ANK3: variants seen among roughly 807,000 people sequenced by gnomAD.
The protein encoded by ANK3 is ankyrin-3.
ANK3 carries 57 observed loss-of-function variants against 370.9 expected under a neutral mutation model. The ratio of observed to expected loss-of-function variants is 0.15; its 90% CI spans 0.12 to 0.19. The LOEUF (loss-of-function observed/expected upper bound fraction) is 0.19, where lower values mean the gene tolerates loss of function less well. ANK3 is among the 10% of genes least tolerant of loss of function. ANK3 has a pLI of 1.00. For missense variants in ANK3, 4,439 were observed against 5,302.1 expected (o/e 0.84, Z 5.06); for synonymous variants, 1,929 against 1,946.3 (o/e 0.99, Z 0.23).
intron 7 of ANK3, among the ~76,000 whole-genome samples, chr10:60,243,949 T>C (rs1337957587): frequency 6.6e-6 from 1 of 152,180 alleles, no homozygotes; most frequent in Non-Finnish European, 1.5e-5. Flanking sequence ...CAGGCAAAGC[T>C]GGAGTTGATT....
rs3802696 is a variant in ANK3 at position 60,073,741 on chromosome 10, G to A, written c.7140C>T (p.His2380=). 0.011 allele frequency: 18,421 copies of A among 1,613,824 alleles called. 1,015 individuals carry two copies. The Admixed American group carries it at 0.12, about 10-fold the overall frequency. Residue 2380 remains histidine, a synonymous_variant, in exon 37 of 44, where the codon CAC becomes CAT. Transcript: ENST00000280772. The stretch of plus-strand genomic sequence containing the variant: ...GTTCCTCTGAACAAGGAAAAGCATC[G>A]TGTTTTTCTGGCAGAAAATCTTTTA... ...INLKDFLPEK[H]DAFPCSEEQG...
intron 28 of ANK3, among the ~76,000 whole-genome samples, chr10:60,100,289 T>C (rs2091016197): frequency 7.2e-6 from 1 of 139,182 alleles, no homozygotes; most frequent in Admixed American, 7.7e-5. Context: ...TTGGTTAAAT[T>C]GTATTTTTAT....
intron 43 of ANK3, among the ~76,000 whole-genome samples, chr10:60,033,813 T>C (rs1239041688): frequency 6.8e-6 from 1 of 146,984 alleles, no homozygotes; most frequent in Non-Finnish European, 1.5e-5. Context: ...AAAGCTGTTT[T>C]GCAATCTCCA....
intron 1 of ANK3, among the ~76,000 whole-genome samples, chr10:60,325,955 AG>A (rs1196978836): frequency 6.6e-6 from 1 of 152,242 alleles, no homozygotes; most frequent in African/African-American, 2.4e-5. Context: ...AGCCATAAAA[AG>A]AACAAGATCA....
intron 20 of ANK3, 81 bp downstream of exon 20, chr10:60,172,819 C>A: frequency 2.4e-6 from 2 of 845,042 alleles, no homozygotes; most frequent in South Asian, 3.3e-5. Flanking sequence ...CATGAAAGTA[C>A]AATGAAAAAC....
At chr10:60,713,055 C>G (rs1246210723) in intron 1 of ANK3, among the ~76,000 whole-genome samples, 4 of 152,122 alleles carry the variant, frequency 2.6e-5, no homozygotes, top group Non-Finnish European at 5.9e-5. Context: ...ATCCAGCAGG[C>G]AGAAAATCAG....
intron 7 of ANK3, among the ~76,000 whole-genome samples, chr10:60,254,660 C>T (rs565881718): frequency 6.6e-6 from 1 of 152,306 alleles, no homozygotes; most frequent in South Asian, 2.1e-4. Context: ...ATAAACTTGC[C>T]CCTCTGCCTC....
At chr10:60,046,892 C>T (rs954935390) in intron 42 of ANK3, among the ~76,000 whole-genome samples, 8 of 150,856 alleles carry the variant, frequency 5.3e-5, no homozygotes, top group African/African-American at 7.3e-5. Flanking sequence ...CTGCAAGCTC[C>T]GCCTCCCGGG....
intron 9 of ANK3, among the ~76,000 whole-genome samples, chr10:60,210,683 C>G (rs2096839365): frequency 6.6e-6 from 1 of 152,142 alleles, no homozygotes; most frequent in African/African-American, 2.4e-5. Context: ...TAGAAGGGCA[C>G]ACATGTGTGT....
intron 1 of ANK3, among the ~76,000 whole-genome samples, chr10:60,338,692 G>A (rs1365111013): frequency 6.6e-6 from 1 of 152,118 alleles, no homozygotes; most frequent in Non-Finnish European, 1.5e-5. Context: ...AGACTGGGCT[G>A]AAAGTTCTCC....
At chr10:60,512,015 T>C (rs958300794) in intron 2 of ANK3, among the ~76,000 whole-genome samples, 6 of 152,032 alleles carry the variant, frequency 3.9e-5, no homozygotes, top group African/African-American at 1.4e-4. Flanking sequence ...AGAGTGTCCT[T>C]CTTCACTGTG....
At chr10:60,414,470 C>G (rs1249005156) in intron 2 of ANK3, among the ~76,000 whole-genome samples, 1 of 152,108 alleles carries the variant, frequency 6.6e-6, no homozygotes, top group Non-Finnish European at 1.5e-5. Flanking sequence ...CCACAAATAA[C>G]CACAGTAAAG....
chr10:60,177,299 T>C (rs2095995932), intron 18 of ANK3, among the ~76,000 whole-genome samples: 1 of 152,226 alleles, frequency 6.6e-6, no homozygotes, highest in Non-Finnish European at 1.5e-5. Context: ...AGCTAATACC[T>C]TGACTGTGAT....
At chr10:60,351,392 A>C (rs1366079245) in intron 1 of ANK3, among the ~76,000 whole-genome samples, 1 of 152,172 alleles carries the variant, frequency 6.6e-6, no homozygotes, top group Non-Finnish European at 1.5e-5. Flanking sequence ...GATGCACGCT[A>C]ATGGCAGTCA....
rs149945791 is a variant in ANK3 at position 60,476,365 on chromosome 10, T to G, written c.96+138821A>C. ...AAATTGTATAGAGGATAAACAATAA[T>G]ATAATTTCTGTAGGCACAGCACATT... is the stretch of plus-strand genomic sequence containing the variant. On this transcript the variant is annotated intron_variant, in intron 2 of 43. Transcript: ENST00000373827. 3.1e-3 allele frequency among the ~76,000 whole-genome samples: 475 copies of G among 152,280 alleles called. 8 individuals are homozygous for G. Among genetic ancestry groups the G allele is most frequent in the African/African-American group, 0.011 (457 of 41,578 alleles).
chr10:60,428,264 G>T (rs904007471), intron 2 of ANK3, among the ~76,000 whole-genome samples: 1 of 152,122 alleles, frequency 6.6e-6, no homozygotes, highest in Non-Finnish European at 1.5e-5. Flanking sequence ...GACCAAGCAC[G>T]AGAATAACGC....
intron 1 of ANK3, among the ~76,000 whole-genome samples, chr10:60,301,359 C>T (rs148793472): frequency 1.1e-4 from 16 of 144,680 alleles, no homozygotes; most frequent in South Asian, 2.2e-4. Flanking sequence ...CACACATGCA[C>T]GCACAGATAC....
chr10:60,279,443 G>GA (rs1449229107), intron 2 of ANK3, 95 bp downstream of exon 2: 18 of 1,012,064 alleles, frequency 1.8e-5, no homozygotes, highest in South Asian at 1.6e-4. Flanking sequence ...AAATTCAATG[G>GA]AAAAAAACCC....
At chr10:60,206,577 G>T (rs2132436922) in intron 10 of ANK3, among the ~76,000 whole-genome samples, 1 of 152,206 alleles carries the variant, frequency 6.6e-6, no homozygotes, top group East Asian at 1.9e-4. Flanking sequence ...CTTCACCAAG[G>T]TTTATTCTGT....
Sources: allele counts gnomAD v4.1 joint callset (sites outside exome capture counted in the v4.1 genomes callset), GRCh38; gene constraint gnomAD v4.1.1; transcripts MANE v1.5; gene names NCBI Gene and HGNC (gene_info 2026-07-23, HGNC 2026-07-21).